Variants in GLRA2 observed in about 807,000 individuals in gnomAD.
GLRA2 encodes glycine receptor alpha 2.
GLRA2 carries 11 observed loss-of-function variants against 31.6 expected under a neutral mutation model. That is an observed-to-expected ratio of 0.35 (90% CI 0.22 to 0.58). GLRA2 has a LOEUF of 0.58. GLRA2 is among the 20% of genes least tolerant of loss of function. The pLI, the probability that GLRA2 is intolerant of heterozygous loss-of-function variation, is 0.84. For synonymous variants in GLRA2, 132 were observed against 134.0 expected (o/e 0.99, Z 0.10); for missense variants, 212 against 351.8 (o/e 0.60, Z 3.18).
At position 14,529,928 on chromosome X, in the gene GLRA2, A is replaced by C. The variant is rs2089231941; in HGVS notation, c.-130A>C. The C allele has an allele frequency of 1.8e-6, 1 of 555,541 alleles. No homozygotes were observed. Among genetic ancestry groups the C allele is most frequent in the African/African-American group, 2.3e-5 (1 of 43,138 alleles). 45.8% of individuals were successfully genotyped at this position (555,541 alleles called of 1,213,427 possible). A position where few individuals can be genotyped will look rare whatever the true frequency, so the allele number is the denominator to read the frequency against. On this transcript the variant is annotated 5_prime_UTR_variant, in exon 1 of 9. Coordinates refer to ENST00000218075, the MANE Select transcript of GLRA2 (RefSeq NM_002063.4). ...TTCTCAGCAAACTGTACAAAACCAA[A>C]TCTCTTTTTGATTTTCAAGGAAACT...
chrX:14,505,060 G>A, the GLRA2 span, among the ~76,000 whole-genome samples: 1 of 111,902 alleles, frequency 8.9e-6, no homozygotes, highest in Non-Finnish European at 1.9e-5. Context: ...CACACAATCA[G>A]ATCCCAGGGA....
At chrX:14,559,031 A>G (rs5935771) in intron 2 of GLRA2, among the ~76,000 whole-genome samples, 22,549 of 110,124 alleles carry the variant, frequency 0.2, 2,247 homozygotes, top group Non-Finnish European at 0.31. Flanking sequence ...CGCCATGTTG[A>G]CCAGGCTGGT....
chrX:14,682,785 G>C (rs2091229083), intron 7 of GLRA2, among the ~76,000 whole-genome samples: 1 of 104,155 alleles, frequency 9.6e-6, no homozygotes, highest in Non-Finnish European at 1.9e-5. Flanking sequence ...TCACCTATGA[G>C]TGAGAATATG....
chrX:14,489,820 C>T, the GLRA2 span, among the ~76,000 whole-genome samples: 240 of 112,463 alleles, frequency 2.1e-3, no homozygotes, highest in African/African-American at 7.4e-3. Context: ...GAACCTGGGA[C>T]AGAATCTGGG....
At chrX:14,615,564 G>A (rs900312133) in intron 7 of GLRA2, among the ~76,000 whole-genome samples, 12 of 111,070 alleles carry the variant, frequency 1.1e-4, no homozygotes, top group African/African-American at 3.3e-4. Context: ...GGGGGAAGGA[G>A]CAAAGGAAGT....
the GLRA2 span, among the ~76,000 whole-genome samples, chrX:14,477,792 G>T: frequency 9.0e-6 from 1 of 111,027 alleles, no homozygotes; most frequent in South Asian, 3.8e-4. Flanking sequence ...TATCTTGGAT[G>T]CAGTAGAATC....
At chrX:14,620,974 C>A (rs1236571316) in intron 7 of GLRA2, among the ~76,000 whole-genome samples, 1 of 111,722 alleles carries the variant, frequency 9.0e-6, no homozygotes. Flanking sequence ...TGCATTCTGA[C>A]ATGGGGCTTA....
At chrX:14,606,769 G>A (rs965339186) in intron 5 of GLRA2, among the ~76,000 whole-genome samples, 6 of 112,092 alleles carry the variant, frequency 5.4e-5, no homozygotes, top group Non-Finnish European at 1.1e-4. Context: ...TTATTGGATT[G>A]CTAAAGCCTC....
the GLRA2 span, among the ~76,000 whole-genome samples, chrX:14,456,211 T>C: frequency 2.7e-5 from 3 of 111,438 alleles, no homozygotes; most frequent in African/African-American, 6.5e-5. Flanking sequence ...TTTTCTTTTC[T>C]TTTTTATATT....
At chrX:14,559,505 C>G (rs200431036) in intron 2 of GLRA2, among the ~76,000 whole-genome samples, 1 of 99,235 alleles carries the variant, frequency 1.0e-5, no homozygotes, top group East Asian at 3.2e-4. Flanking sequence ...AACCTCCACC[C>G]CACTGGGTTC....
At chrX:14,561,633 A>C (rs2089734870) in intron 2 of GLRA2, among the ~76,000 whole-genome samples, 1 of 112,801 alleles carries the variant, frequency 8.9e-6, no homozygotes, top group South Asian at 3.6e-4. Context: ...GGAATTAATA[A>C]CTTTGTCAAA....
chrX:14,729,274 G>A (rs1243655684), intron 8 of GLRA2, among the ~76,000 whole-genome samples: 1 of 111,625 alleles, frequency 9.0e-6, no homozygotes, highest in Non-Finnish European at 1.9e-5. Flanking sequence ...GTGGAAGGCA[G>A]TAATCTAGTT....
At chrX:14,574,582 G>A in intron 3 of GLRA2, 182 bp downstream of exon 3, 1 of 1,089,487 alleles carries the variant, frequency 9.2e-7, no homozygotes, top group Non-Finnish European at 1.3e-6. Context: ...GAGCATTGAA[G>A]CCATCGTGTG....
At chrX:14,527,906 G>C (rs200795021), upstream of GLRA2, among the ~76,000 whole-genome samples, 1 of 111,915 alleles carries the variant, frequency 8.9e-6, no homozygotes, top group East Asian at 2.8e-4. Context: ...TGCAGTCCAG[G>C]GATGTCTCAC....
chrX:14,462,228 G>C, the GLRA2 span, among the ~76,000 whole-genome samples: 3 of 111,895 alleles, frequency 2.7e-5, no homozygotes, highest in African/African-American at 9.8e-5. Flanking sequence ...CTATTAGTCT[G>C]ATGGGCTTCC....
chrX:14,565,289 A>G (rs759555704), intron 2 of GLRA2, among the ~76,000 whole-genome samples: 66 of 112,014 alleles, frequency 5.9e-4, no homozygotes, highest in African/African-American at 2.1e-3. Context: ...AAGATATTCC[A>G]TGAAATAGTA....
At chrX:14,674,671 G>C (rs1261304295) in intron 7 of GLRA2, among the ~76,000 whole-genome samples, 2 of 111,325 alleles carry the variant, frequency 1.8e-5, no homozygotes, top group East Asian at 5.6e-4. Context: ...AGTTGGTCTA[G>C]CTTCAAAAAT....
At chrX:14,596,796 A>AG (rs2090210404) in intron 4 of GLRA2, among the ~76,000 whole-genome samples, 1 of 111,545 alleles carries the variant, frequency 9.0e-6, no homozygotes, top group Non-Finnish European at 1.9e-5. Flanking sequence ...TACTCCTTAA[A>AG]GTGTGCTCCA....
chrX:14,471,505 A>G, the GLRA2 span, among the ~76,000 whole-genome samples: 1 of 111,993 alleles, frequency 8.9e-6, no homozygotes, highest in African/African-American at 3.2e-5. Flanking sequence ...AAACCAGCAA[A>G]TGCTGTGGTA....
Sources: gnomAD v4.1 joint callset for allele counts (sites outside exome capture counted in the v4.1 genomes callset) on GRCh38, gnomAD v4.1.1 for gene constraint, MANE v1.5 for transcripts, NCBI Gene and HGNC (gene_info 2026-07-23, HGNC 2026-07-21) for gene names.